KCNJ16: variants seen among roughly 807,000 people sequenced by gnomAD.
KCNJ16 encodes inward rectifier potassium channel 16.
KCNJ16 carries 15 observed loss-of-function variants against 18.5 expected under a neutral mutation model. The ratio of observed to expected loss-of-function variants is 0.81; its 90% CI spans 0.54 to 1.25. The LOEUF (loss-of-function observed/expected upper bound fraction) is 1.25, where lower values mean the gene tolerates loss of function less well. Among genes scored for constraint, KCNJ16 ranks in the 50% most tolerant of loss-of-function variants. The pLI, the probability that KCNJ16 is intolerant of heterozygous loss-of-function variation, is 0.00. For synonymous variants in KCNJ16, 174 were observed against 186.5 expected (o/e 0.93, Z 0.55); for missense variants, 523 against 525.7 (o/e 0.99, Z 0.05).
rs569490633 is a variant in KCNJ16 at position 70,132,306 on chromosome 17, G to A, written c.219G>A (p.Met73Ile). Residue 73 changes from methionine to isoleucine, a missense_variant, in exon 4 of 4, where the codon ATG becomes ATA. Transcript: ENST00000392671. The part of the protein sequence containing the change: ...TTLVDTKWRH[M>I]FVIFSLSYIL... The stretch of plus-strand genomic sequence containing the variant: ...TTGTGGACACCAAGTGGCGCCATAT[G>A]TTTGTGATATTTTCTTTATCTTATA... 3 of 1,614,196 alleles carry A rather than the reference G, an allele frequency of 1.9e-6. No homozygotes were observed. The highest frequency in any genetic ancestry group is 2.2e-5 in the East Asian group (1 of 44,892).
chr17:70,129,105 C>T (rs2073969414), intron 2 of KCNJ16, among the ~76,000 whole-genome samples: 1 of 152,184 alleles, frequency 6.6e-6, no homozygotes, highest in Admixed American at 6.5e-5. Flanking sequence ...GTTATTCACC[C>T]TCCACCCCGC....
intron 1 of KCNJ16, among the ~76,000 whole-genome samples, chr17:70,076,461 GAGAGAA>G (rs2071314066): frequency 6.6e-6 from 1 of 151,308 alleles, no homozygotes; most frequent in African/African-American, 2.4e-5. Flanking sequence ...AATCAAAAGA[GAGAGAA>G]AGAGAAAGAG....
At position 70,132,119 on chromosome 17, in the gene KCNJ16, T is replaced by A; in HGVS notation, c.32T>A (p.Ile11Asn). The change falls in exon 4 of 4, where the codon ATC becomes AAC. Residue 11 changes from isoleucine (I) to asparagine (N), a missense_variant. By Grantham distance (149) the Ile-to-Asn change is moderately radical. Transcript: ENST00000392671. ...TATTACGGCAGCAGCTATCATATTA[T>A]CAATGCGGACGCAAAATACCCAGGC... MSYYGSSYHI[I>N]NADAKYPGYP... is the part of the protein sequence containing the mutation. 6.2e-7 allele frequency: 1 copy of A among 1,614,196 alleles called. No individual in the cohort carries two copies. Among genetic ancestry groups the A allele is most frequent in the African/African-American group, 1.3e-5 (1 of 75,036 alleles).
intron 2 of KCNJ16, among the ~76,000 whole-genome samples, chr17:70,117,637 G>T (rs2073465523): frequency 6.6e-6 from 1 of 152,030 alleles, no homozygotes; most frequent in Non-Finnish European, 1.5e-5. Context: ...TATAGTCTTA[G>T]GAGTACTAAC....
rs1353972898 is a variant in KCNJ16, at chr17:70,133,035, T to TA, written c.950dup (p.Arg318GlufsTer12). 6.2e-7 allele frequency: 1 copy of TA among 1,613,920 alleles called. No homozygotes were observed. The highest frequency in any genetic ancestry group is 1.3e-5 in the African/African-American group (1 of 74,864). On this transcript the variant is annotated frameshift_variant, in exon 4 of 4. Coordinates refer to ENST00000392671, the MANE Select transcript of KCNJ16 (RefSeq NM_170741.4). LOFTEE classifies it low-confidence loss of function (END_TRUNC). ...ATAGGTTTAATGATGTCTTGGAAGTTAAGAGGAAGTATTACAAAGTGAACT... is the reference window on the plus strand; with the variant it reads ...ATAGGTTTAATGATGTCTTGGAAGTTAAAGAGGAAGTATTACAAAGTGAACT...
chr17:70,107,257 A>C (rs2072973737), intron 2 of KCNJ16, among the ~76,000 whole-genome samples: 2 of 152,196 alleles, frequency 1.3e-5, no homozygotes, highest in South Asian at 4.1e-4. Flanking sequence ...TAAGTGATGA[A>C]AGTAAAGGTA....
At chr17:70,121,968 G>T (rs2073658065) in intron 2 of KCNJ16, among the ~76,000 whole-genome samples, 2 of 151,982 alleles carry the variant, frequency 1.3e-5, no homozygotes, top group South Asian at 2.1e-4. Flanking sequence ...CAAAAGAAAA[G>T]AATAGAAAAT....
In KCNJ16 at chr17:70,131,080, A is replaced by G. The variant is rs2074038129; in HGVS notation, c.-94+105A>G. On this transcript the variant is annotated intron_variant, in intron 3 of 3. Transcript: ENST00000392671. Reference sequence around the variant, plus strand: ...TGAAAGTATCAGGAAAACACTGAAAAGCCGGAGAGAAGGGTTCAATTGTAG... The same window carrying G: ...TGAAAGTATCAGGAAAACACTGAAAGGCCGGAGAGAAGGGTTCAATTGTAG... The G allele has an allele frequency of 1.0e-5, 12 of 1,204,864 alleles. 1 individual carries two copies. The South Asian group carries it at 1.4e-4, about 14-fold the overall frequency. The allele number at this position is 1,204,864 out of a possible 1,614,324, so 74.6% of individuals were successfully genotyped here.
chr17:70,095,929 C>T (rs528288824), intron 1 of KCNJ16, among the ~76,000 whole-genome samples: 4 of 112,540 alleles, frequency 3.6e-5, no homozygotes, highest in African/African-American at 1.4e-4. Flanking sequence ...GTCACCCAGG[C>T]TGTAGTGCAG....
At chr17:70,076,967 A>G (rs1229778892) in intron 1 of KCNJ16, among the ~76,000 whole-genome samples, 3 of 152,190 alleles carry the variant, frequency 2.0e-5, no homozygotes, top group Admixed American at 2.0e-4. Context: ...ACCATTTTCC[A>G]TTTATAAATG....
chr17:70,095,660 C>A (rs772619446), intron 1 of KCNJ16, among the ~76,000 whole-genome samples: 2 of 151,960 alleles, frequency 1.3e-5, no homozygotes, highest in Non-Finnish European at 2.9e-5. Context: ...TTCAGATGAT[C>A]GTTGTTTATT....
rs1406801600 is a variant in KCNJ16, at chr17:70,132,740, C to G, written c.653C>G (p.Ala218Gly). 1.2e-6 allele frequency: 2 copies of G among 1,614,022 alleles called. No homozygotes were observed. Among genetic ancestry groups the G allele is most frequent in the Admixed American group, 3.3e-5 (2 of 60,020 alleles). The change falls in exon 4 of 4, where the codon GCC becomes GGC. Residue 218 changes from alanine to glycine, a missense_variant. Physicochemically the swap from Ala to Gly is moderately conservative, Grantham distance 60. Coordinates refer to ENST00000392671, the MANE Select transcript of KCNJ16 (RefSeq NM_170741.4). ...CACGTGGTAGAAGGAACAGTTAGAGCCCAACTTCTCCGCTATACAGAAGAC... is the reference window on the plus strand; with the variant it reads ...CACGTGGTAGAAGGAACAGTTAGAGGCCAACTTCTCCGCTATACAGAAGAC... ...PNHVVEGTVR[A>G]QLLRYTEDSE...
At chr17:70,090,897 T>C (rs529077050) in intron 1 of KCNJ16, among the ~76,000 whole-genome samples, 2 of 152,358 alleles carry the variant, frequency 1.3e-5, no homozygotes, top group South Asian at 2.1e-4. Context: ...TTTAGGACAT[T>C]TGTGGCTATG....
At chr17:70,098,127 C>A (rs2072462431) in intron 1 of KCNJ16, among the ~76,000 whole-genome samples, 1 of 152,094 alleles carries the variant, frequency 6.6e-6, no homozygotes, top group Non-Finnish European at 1.5e-5. Context: ...AGGATGCAGC[C>A]AAGTAATAAT....
intron 1 of KCNJ16, among the ~76,000 whole-genome samples, chr17:70,086,701 A>C (rs2024053): frequency 1.3e-5 from 2 of 152,058 alleles, no homozygotes; most frequent in Admixed American, 6.6e-5. Context: ...TATAAACTTC[A>C]TTTTAGTGTT....
intron 1 of KCNJ16, among the ~76,000 whole-genome samples, chr17:70,078,734 G>T (rs2071421121): frequency 6.6e-6 from 1 of 152,076 alleles, no homozygotes; most frequent in Admixed American, 6.6e-5. Context: ...GCAGAAAAAG[G>T]CATGTCTGTA....
intron 1 of KCNJ16, among the ~76,000 whole-genome samples, chr17:70,078,491 C>T (rs1182361482): frequency 2.0e-5 from 3 of 152,140 alleles, no homozygotes; most frequent in Non-Finnish European, 4.4e-5. Flanking sequence ...AAGATTTGCT[C>T]TCCTTTTAAC....
chr17:70,118,211 A>G (rs1314301797), intron 2 of KCNJ16, among the ~76,000 whole-genome samples: 2 of 141,814 alleles, frequency 1.4e-5, no homozygotes, highest in East Asian at 4.0e-4. Flanking sequence ...AAAGAAAACA[A>G]TAACACAGGG....
At chr17:70,122,794 A>C (rs1254091394) in intron 2 of KCNJ16, among the ~76,000 whole-genome samples, 1 of 152,128 alleles carries the variant, frequency 6.6e-6, no homozygotes, top group East Asian at 1.9e-4. Flanking sequence ...AAATAACAGG[A>C]GTCAGTAACT....
Sources: gnomAD v4.1 joint callset for allele counts (sites outside exome capture counted in the v4.1 genomes callset) on GRCh38, gnomAD v4.1.1 for gene constraint, MANE v1.5 for transcripts, NCBI Gene and HGNC (gene_info 2026-07-23, HGNC 2026-07-21) for gene names.